The following PREX1 variants were observed in gnomAD, a reference collection of about 807,000 sequenced individuals.
The protein encoded by PREX1 is phosphatidylinositol-3,4,5-trisphosphate dependent Rac exchange factor 1, also known as phosphatidylinositol 3,4,5-trisphosphate-dependent Rac exchanger 1 protein.
A neutral mutation model predicts 198.3 loss-of-function variants in PREX1; 41 were observed. The observed-to-expected ratio is 0.21, with a 90% CI of 0.16 to 0.27. PREX1 has a LOEUF of 0.27. PREX1 is among the 10% of genes least tolerant of loss of function. PREX1 has a pLI of 1.00. For missense variants in PREX1, 1,620 were observed against 2,200.7 expected (o/e 0.74, Z 5.28); for synonymous variants, 843 against 887.2 (o/e 0.95, Z 0.89).
intron 1 of PREX1, among the ~76,000 whole-genome samples, chr20:48,816,673 C>G (rs1342646810): frequency 6.6e-6 from 1 of 152,058 alleles, no homozygotes; most frequent in Non-Finnish European, 1.5e-5. Flanking sequence ...GGGTGATCAC[C>G]AGCCAATACC....
chr20:48,779,232 A>G (rs1411591737), intron 1 of PREX1, among the ~76,000 whole-genome samples: 1 of 152,262 alleles, frequency 6.6e-6, no homozygotes, highest in African/African-American at 2.4e-5. Context: ...GTAAATATGC[A>G]CATGAAAAGA....
intron 1 of PREX1, among the ~76,000 whole-genome samples, chr20:48,757,879 T>C (rs1403045209): frequency 2.0e-5 from 3 of 152,182 alleles, no homozygotes; most frequent in Admixed American, 2.0e-4. Flanking sequence ...GAAAACTGCA[T>C]TGTCAAAAAG....
chr20:48,820,473 A>G (rs934350132), intron 1 of PREX1, among the ~76,000 whole-genome samples: 3 of 152,190 alleles, frequency 2.0e-5, no homozygotes, highest in Non-Finnish European at 2.9e-5. Context: ...CAAGAGAGGG[A>G]GCCTCCCAGA....
At chr20:48,783,193 A>G (rs762652387) in intron 1 of PREX1, among the ~76,000 whole-genome samples, 3 of 152,198 alleles carry the variant, frequency 2.0e-5, no homozygotes, top group Non-Finnish European at 2.9e-5. Flanking sequence ...AAAGTGTGTG[A>G]AAGAGGAAAT....
At chr20:48,718,200 T>C (rs531803891) in intron 5 of PREX1, among the ~76,000 whole-genome samples, 29 of 152,346 alleles carry the variant, frequency 1.9e-4, no homozygotes, top group Admixed American at 1.5e-3. Context: ...GAGCTCTATA[T>C]CCAGCCTTTC....
intron 5 of PREX1, among the ~76,000 whole-genome samples, chr20:48,715,466 G>A (rs915239618): frequency 6.6e-6 from 1 of 152,168 alleles, no homozygotes; most frequent in Non-Finnish European, 1.5e-5. Flanking sequence ...CTGTGGTCAA[G>A]AGAATGGGTG....
At chr20:48,878,218 T>G in the PREX1 span, among the ~76,000 whole-genome samples, 2 of 152,224 alleles carry the variant, frequency 1.3e-5, no homozygotes, top group African/African-American at 4.8e-5. Flanking sequence ...CTTCGTTCAC[T>G]CTGCTCCAGC....
rs117110851 is a variant in PREX1, at chr20:48,710,450, A to C, written c.622-2029T>G. On this transcript the variant is annotated intron_variant, in intron 5 of 39. Coordinates refer to ENST00000371941, the MANE Select transcript of PREX1 (RefSeq NM_020820.4). ...CTCAGCAAGCCCTCAAGCTCCTGTCAAGCTCATTTGATCCTCATGTCAACT... is the reference window on the plus strand; with the variant it reads ...CTCAGCAAGCCCTCAAGCTCCTGTCCAGCTCATTTGATCCTCATGTCAACT... Among the ~76,000 whole-genome samples, 348 of 152,272 alleles carry C rather than the reference A, an allele frequency of 2.3e-3. 4 individuals are homozygous for C. The East Asian group carries it at 0.044, about 19-fold the overall frequency.
intron 3 of PREX1, among the ~76,000 whole-genome samples, chr20:48,737,593 C>T (rs1029009438): frequency 2.0e-5 from 3 of 152,156 alleles, no homozygotes; most frequent in African/African-American, 7.2e-5. Context: ...CTGGTCCCAC[C>T]CCACCCCAGG....
rs780014777 is a variant in PREX1, at chr20:48,630,717, C to T, written c.4593+11G>A. ...CCAAGCTCCCTGCAGCAGGAGGGCA[C>T]GTGGACATACCTGGTCTATCTTTAC... On this transcript the variant is annotated intron_variant, in intron 36 of 39. Coordinates refer to ENST00000371941, the MANE Select transcript of PREX1 (RefSeq NM_020820.4). The T allele has an allele frequency of 5.7e-6, 9 of 1,577,234 alleles. No individual in the cohort carries two copies. Among genetic ancestry groups the T allele is most frequent in the East Asian group, 2.2e-5 (1 of 44,652 alleles).
intron 39 of PREX1, 152 bp downstream of exon 39, chr20:48,627,396 T>A: frequency 1.2e-6 from 1 of 832,038 alleles, no homozygotes; most frequent in Non-Finnish European, 1.9e-6. Context: ...GGTGACAAAG[T>A]TGTGTCTGTT....
intron 1 of PREX1, among the ~76,000 whole-genome samples, chr20:48,818,378 A>T (rs1036821971): frequency 5.3e-5 from 8 of 152,238 alleles, no homozygotes; most frequent in African/African-American, 1.9e-4. Context: ...GTAATGAAAG[A>T]GGAGCTGAGA....
chr20:48,778,090 C>T (rs1441221298), intron 1 of PREX1, among the ~76,000 whole-genome samples: 1 of 152,044 alleles, frequency 6.6e-6, no homozygotes. Flanking sequence ...CAAATGTCGC[C>T]AGGCAAAAGT....
intron 2 of PREX1, among the ~76,000 whole-genome samples, chr20:48,746,188 C>CT (rs2090106922): frequency 6.6e-6 from 1 of 151,994 alleles, no homozygotes; most frequent in Non-Finnish European, 1.5e-5. Flanking sequence ...GCCTGGCTAA[C>CT]TTTTTTTGTA....
intron 16 of PREX1, among the ~76,000 whole-genome samples, chr20:48,659,661 A>G (rs2089575394): frequency 6.6e-6 from 1 of 151,754 alleles, no homozygotes; most frequent in Non-Finnish European, 1.5e-5. Flanking sequence ...CTCTCTATAC[A>G]GTGTACGGGG....
chr20:48,683,990 C>T (rs1160093289), intron 10 of PREX1, among the ~76,000 whole-genome samples: 1 of 151,942 alleles, frequency 6.6e-6, no homozygotes, highest in African/African-American at 2.4e-5. Context: ...GGTCCAAGCT[C>T]CCAGAAAGAC....
At chr20:48,798,003 G>C (rs534727981) in intron 1 of PREX1, among the ~76,000 whole-genome samples, 1 of 152,274 alleles carries the variant, frequency 6.6e-6, no homozygotes, top group South Asian at 2.1e-4. Context: ...GCAATTCCAG[G>C]GACGACGCTG....
chr20:48,833,773 C>T, the PREX1 span, among the ~76,000 whole-genome samples: 1 of 152,262 alleles, frequency 6.6e-6, no homozygotes, highest in Admixed American at 6.5e-5. Context: ...ATTGACCTGA[C>T]TTCTTGCTAC....
At chr20:48,848,999 A>T in the PREX1 span, among the ~76,000 whole-genome samples, 1 of 151,998 alleles carries the variant, frequency 6.6e-6, no homozygotes. Flanking sequence ...CAGCCTCCCA[A>T]AGTGCTGGGA....
Sources: allele counts gnomAD v4.1 joint callset (sites outside exome capture counted in the v4.1 genomes callset), GRCh38; gene constraint gnomAD v4.1.1; transcripts MANE v1.5; gene names NCBI Gene and HGNC (gene_info 2026-07-23, HGNC 2026-07-21).